The following FANCA variants were observed in gnomAD, a reference collection of about 807,000 sequenced individuals.
The protein encoded by FANCA is Fanconi anemia group A protein.
FANCA carries 236 observed loss-of-function variants against 194.3 expected under a neutral mutation model. The observed-to-expected ratio is 1.21, with a 90% confidence interval of 1.09 to 1.35. The LOEUF is 1.35. FANCA is among the 40% of genes most tolerant of loss of function. The pLI is 0.00. For missense variants in FANCA, 2,628 were observed against 1,813.9 expected (o/e 1.45, Z -8.15); for synonymous variants, 1,014 against 715.8 (o/e 1.42, Z -6.65).
intron 8 of FANCA, among the ~76,000 whole-genome samples, chr16:89,800,211 G>A (rs1326463278): frequency 2.0e-5 from 3 of 152,246 alleles, no homozygotes. Flanking sequence ...CTTCAGTGAA[G>A]AGAGGAAAGC....
chr16:89,773,526 G>A (rs2039396376), intron 21 of FANCA, 142 bp from the exon 22 acceptor site: 4 of 682,064 alleles, frequency 5.9e-6, no homozygotes. Flanking sequence ...GGGAGTCTCT[G>A]AGGAGGTAAA....
Position 89,741,282 on chromosome 16 carries a change from C to T in FANCA, c.3766-416G>A, listed in dbSNP as rs578025314. On this transcript the variant is annotated intron_variant, in intron 37 of 42. Coordinates refer to ENST00000389301, the MANE Select transcript of FANCA (RefSeq NM_000135.4). ...GGGCAGGGTCTCTGTGGACACTCCT[C>T]GCTGCACACTAGGGTCCTAAGGCCC... 1.2e-4 allele frequency among the ~76,000 whole-genome samples: 18 copies of T among 152,324 alleles called. No individual in the cohort carries two copies. The South Asian group carries it at 1.5e-3, about 12-fold the overall frequency.
At chr16:89,792,588 C>G (rs780990757) in intron 11 of FANCA, 41 bp from the exon 12 acceptor site, 1 of 1,573,690 alleles carries the variant, frequency 6.4e-7, no homozygotes, top group South Asian at 1.1e-5. Context: ...AGTCAGAGAT[C>G]AAAAAGTTGT....
chr16:89,789,657 T>C (rs1257178809), intron 14 of FANCA, among the ~76,000 whole-genome samples: 1 of 152,004 alleles, frequency 6.6e-6, no homozygotes, highest in African/African-American at 2.4e-5. Context: ...CAGGCTGATC[T>C]TGAACCCCTG....
chr16:89,815,890 G>A lies in FANCA; in HGVS notation c.176C>T (p.Ala59Val), dbSNP rs1165398420. The A allele has an allele frequency of 3.1e-6, 5 of 1,612,784 alleles. No homozygotes were observed. Among genetic ancestry groups the A allele is most frequent in the African/African-American group, 2.7e-5 (2 of 74,902 alleles). Residue 59 changes from alanine (A) to valine (V), a missense_variant, in exon 2 of 43, where the codon GCC becomes GTC. Transcript: ENST00000389301. The stretch of plus-strand genomic sequence containing the variant: ...GCTTCCTCTTACCTCAAGCAAAAGG[G>A]CATTCAGGTCCTGATGGCTTCGCAG... ...RLLRSHQDLN[A>V]LLLEVEGPLC...
chr16:89,750,010 C>G, intron 31 of FANCA, 108 bp from the exon 32 acceptor site: 1 of 1,085,154 alleles, frequency 9.2e-7, no homozygotes, highest in Admixed American at 1.8e-5. Context: ...GTGGACAGGG[C>G]AAGAAGGAAC....
intron 20 of FANCA, 66 bp downstream of exon 20, chr16:89,778,735 C>T: frequency 1.4e-6 from 2 of 1,463,722 alleles, no homozygotes; most frequent in Non-Finnish European, 1.9e-6. Flanking sequence ...ACAGAAGATC[C>T]ACAATTCTTC....
In FANCA at chr16:89,786,367, G is replaced by C. The variant is rs140310240; in HGVS notation, c.1360-1403C>G. 1.5e-3 allele frequency among the ~76,000 whole-genome samples: 230 copies of C among 152,248 alleles called. 1 individual carries two copies. The highest frequency in any genetic ancestry group is 4.9e-3 in the African/African-American group (203 of 41,552). On this transcript the variant is annotated intron_variant, in intron 14 of 42. Coordinates refer to ENST00000389301, the MANE Select transcript of FANCA (RefSeq NM_000135.4). ...CCTGGCTAATTTTGTGTTTTTAGTAGAGACAGGGTTTCATCGTGTTGGCCA... is the reference window on the plus strand; with the variant it reads ...CCTGGCTAATTTTGTGTTTTTAGTACAGACAGGGTTTCATCGTGTTGGCCA...
At position 89,738,175 on chromosome 16, in the gene FANCA, G is replaced by C. The variant is rs1343094704; in HGVS notation, c.*426C>G. On this transcript the variant is annotated 3_prime_UTR_variant, in exon 43 of 43. Transcript: ENST00000389301. The stretch of plus-strand genomic sequence containing the variant: ...GGACAAGGCCCTGCCCCTGGAGGCG[G>C]AACCACCACCTGGGCCACCGAGCCC... 6.2e-7 allele frequency: 1 copy of C among 1,612,736 alleles called. No individual in the cohort carries two copies. Among genetic ancestry groups the C allele is most frequent in the Admixed American group, 1.7e-5 (1 of 59,926 alleles).
rs147406377 is a variant in FANCA at position 89,738,695 on chromosome 16, C to G, written c.4274G>C (p.Arg1425Pro). 16 of 1,613,960 alleles carry G rather than the reference C, an allele frequency of 9.9e-6. No homozygotes were observed. The highest frequency in any genetic ancestry group is 1.4e-5 in the Non-Finnish European group (16 of 1,180,006). The change falls in exon 43 of 43, where the codon CGT (arginine) becomes CCT (proline). Residue 1425 changes from arginine (R) to proline (P), a missense_variant. Physicochemically the swap from Arg to Pro is moderately radical, Grantham distance 103. Coordinates refer to ENST00000389301, the MANE Select transcript of FANCA (RefSeq NM_000135.4). ...GCTCACCTCTGGGTCGCAGTCCCCA[C>G]GATCAGCCAGCAGCTGTGAGAGAGG... ...FSHVAELLAD[R>P]GDCDPEVSAA...
At chr16:89,783,128 A>T in intron 15 of FANCA, 26 bp from the exon 16 acceptor site, 1 of 1,568,536 alleles carries the variant, frequency 6.4e-7, no homozygotes, top group Non-Finnish European at 8.8e-7. Context: ...AGAGCGCAGC[A>T]CCGTTAGTCT....
At chr16:89,744,142 G>A (rs912614687) in intron 36 of FANCA, among the ~76,000 whole-genome samples, 1 of 152,164 alleles carries the variant, frequency 6.6e-6, no homozygotes, top group Non-Finnish European at 1.5e-5. Context: ...TGATCCACCT[G>A]CCTTGGCCTC....
At chr16:89,748,413 G>A (rs1299780626) in intron 33 of FANCA, among the ~76,000 whole-genome samples, 4 of 152,230 alleles carry the variant, frequency 2.6e-5, no homozygotes, top group African/African-American at 9.6e-5. Context: ...TAAAACTTGA[G>A]GGAAACTAAA....
intron 5 of FANCA, among the ~76,000 whole-genome samples, chr16:89,809,049 G>T (rs1283306845): frequency 6.6e-6 from 1 of 152,004 alleles, no homozygotes; most frequent in Non-Finnish European, 1.5e-5. Flanking sequence ...GGGACTACAG[G>T]TGCCTGCCAC....
chr16:89,742,685 C>T (rs1399117556), intron 37 of FANCA, 115 bp downstream of exon 37: 3 of 918,094 alleles, frequency 3.3e-6, no homozygotes, highest in Non-Finnish European at 5.0e-6. Context: ...AAGTCTTGCT[C>T]CAAGCCACAT....
At position 89,816,150 on chromosome 16, in the gene FANCA, G is replaced by A. The variant is rs111818726; in HGVS notation, c.80-164C>T. 5.4e-3 allele frequency: 3,686 copies of A among 676,984 alleles called. 119 individuals carry two copies. The African/African-American group carries it at 0.059, about 11-fold the overall frequency. 41.9% of individuals were successfully genotyped at this position (676,984 alleles called of 1,614,324 possible). A position where few individuals can be genotyped will look rare whatever the true frequency, so the allele number is the denominator to read the frequency against. ...CAGGTCTCGGGAAACTAACGGAGAC[G>A]GCCCCACCGCGGACGCCGGGGAAGA... is the stretch of plus-strand genomic sequence containing the variant. On this transcript the variant is annotated intron_variant, in intron 1 of 42. Transcript: ENST00000389301.
chr16:89,805,728 C>A (rs1230852489), intron 6 of FANCA, among the ~76,000 whole-genome samples: 6 of 151,522 alleles, frequency 4.0e-5, no homozygotes, highest in Non-Finnish European at 5.9e-5. Context: ...GGCACTGTGC[C>A]CAGTCTCAAG....
rs374382750 is a variant in FANCA at position 89,791,366 on chromosome 16, G to T, written c.1359+37C>A. 9.2e-5 allele frequency: 148 copies of T among 1,610,620 alleles called. No individual in the cohort carries two copies. In the African/African-American group the frequency reaches 1.8e-3, roughly 19 times the overall value. ...TCCCCACTCCCAGGCCTTCTGGGAA[G>T]ATCAGGTATTAGGTAGCCGATTGGC... On this transcript the variant is annotated intron_variant, in intron 14 of 42. Transcript: ENST00000389301.
rs17232127 is a variant in FANCA at position 89,814,414 on chromosome 16, C to G, written c.283+106G>C. 11,627 of 838,896 alleles carry G rather than the reference C, an allele frequency of 0.014. 991 individuals are homozygous for G. In the African/African-American group the frequency reaches 0.18, roughly 13 times the overall value. The allele number at this position is 838,896 out of a possible 1,614,324, so 52.0% of individuals were successfully genotyped here. On this transcript the variant is annotated intron_variant, in intron 3 of 42. Transcript: ENST00000389301. ...TTGCGACTACACACACCAGTGGAAA[C>G]CCATCGCCTGAGAAAATTTACATTT...
Sources: gnomAD v4.1 joint callset for allele counts (sites outside exome capture counted in the v4.1 genomes callset) on GRCh38, gnomAD v4.1.1 for gene constraint, MANE v1.5 for transcripts, NCBI Gene and HGNC (gene_info 2026-07-23, HGNC 2026-07-21) for gene names.